Variants in URGCP observed in about 807,000 individuals in gnomAD.
URGCP encodes upregulator of cell proliferation, also known as up-regulator of cell proliferation.
URGCP carries 13 observed loss-of-function variants against 24.6 expected under a neutral mutation model. That is an observed-to-expected ratio of 0.53 (90% confidence interval 0.34 to 0.84). URGCP has a LOEUF of 0.84. Ranked by LOEUF, URGCP falls within the 40% of genes least tolerant of loss-of-function variation. The pLI, the probability that URGCP is intolerant of heterozygous loss-of-function variation, is 0.01. For missense variants in URGCP, 899 were observed against 1,194.3 expected (o/e 0.75, Z 3.64); for synonymous variants, 444 against 487.2 (o/e 0.91, Z 1.17).
In URGCP at chr7:43,878,602, G is replaced by A; in HGVS notation, c.861C>T (p.His287=). 5.6e-6 allele frequency: 9 copies of A among 1,614,046 alleles called. No homozygotes were observed. The highest frequency in any genetic ancestry group is 7.6e-6 in the Non-Finnish European group (9 of 1,180,056). Residue 287 remains histidine, a synonymous_variant, in exon 6 of 6, where the codon CAC becomes CAT. Coordinates refer to ENST00000453200, the MANE Select transcript of URGCP (RefSeq NM_001077663.3). This position sits in a 1 kb window ranked among gnomAD's most constrained non-coding sequence, Gnocchi z 5.6. ...QLLNAVLSPG[H]RQWDCFWHRD... is the part of the protein sequence containing the mutation. ...GATGCCAGAAGCAGTCCCACTGCCT[G>A]TGGCCCGGGCTGAGGACGGCGTTGA...
At chr7:43,899,885 A>C (rs1398888706) in intron 1 of URGCP, among the ~76,000 whole-genome samples, 1 of 152,244 alleles carries the variant, frequency 6.6e-6, no homozygotes, top group East Asian at 1.9e-4. Context: ...CTATAATCTC[A>C]GCACTTTGGG....
At chr7:43,921,982 T>A (rs962509995) in intron 1 of URGCP, among the ~76,000 whole-genome samples, 2 of 152,090 alleles carry the variant, frequency 1.3e-5, no homozygotes, top group African/African-American at 2.4e-5. Context: ...AACCTCTACC[T>A]CCCAGGTTCA....
chr7:43,926,651 C>T (rs1426414186), upstream of URGCP: 6 of 1,350,468 alleles, frequency 4.4e-6, no homozygotes, highest in African/African-American at 3.0e-5. Flanking sequence ...GACGGAGGCT[C>T]CGCGAGTCGC....
At chr7:43,899,610 C>T (rs1410686406) in intron 1 of URGCP, among the ~76,000 whole-genome samples, 4 of 151,996 alleles carry the variant, frequency 2.6e-5, no homozygotes, top group Non-Finnish European at 5.9e-5. Flanking sequence ...TTTAAGGTTG[C>T]TCATGAATAT....
chr7:43,918,819 A>G, intron 1 of URGCP: 6 of 1,233,432 alleles, frequency 4.9e-6, no homozygotes, highest in Non-Finnish European at 7.2e-6. Context: ...GGAGTTCGCT[A>G]CTGAGGGCAC....
chr7:43,912,544 G>A (rs1408651824), intron 1 of URGCP, among the ~76,000 whole-genome samples: 1 of 152,034 alleles, frequency 6.6e-6, no homozygotes, highest in African/African-American at 2.4e-5. Context: ...AAACTGTTTT[G>A]GCTGTTCAGG....
chr7:43,893,697 C>G (rs1032896730), intron 1 of URGCP, among the ~76,000 whole-genome samples: 9 of 152,178 alleles, frequency 5.9e-5, no homozygotes, highest in Admixed American at 2.6e-4. Flanking sequence ...ATGGTGAAAC[C>G]CCATCTCTAC....
At position 43,884,699 on chromosome 7, in the gene URGCP, T is replaced by A. The variant is rs2528396; in HGVS notation, c.112+2716A>T. On this transcript the variant is annotated intron_variant, in intron 3 of 5. Coordinates refer to ENST00000453200, the MANE Select transcript of URGCP (RefSeq NM_001077663.3). ...TTTTTAAAAAATTAGTCGGGTGCAGTGGCTCACACCTGTAGTCCTAGCTAC... is the reference window on the plus strand; with the variant it reads ...TTTTTAAAAAATTAGTCGGGTGCAGAGGCTCACACCTGTAGTCCTAGCTAC... Among the ~76,000 whole-genome samples the A allele has an allele frequency of 1.4e-3, 210 of 152,090 alleles. 1 individual carries two copies. Among genetic ancestry groups the A allele is most frequent in the African/African-American group, 4.9e-3 (203 of 41,484 alleles).
intron 1 of URGCP, among the ~76,000 whole-genome samples, chr7:43,901,325 G>T (rs2095890262): frequency 6.6e-6 from 1 of 152,212 alleles, no homozygotes; most frequent in African/African-American, 2.4e-5. Context: ...TGCATCCCAT[G>T]AAGTCCTGGT....
At chr7:43,914,009 G>GT (rs1468005607) in intron 1 of URGCP, among the ~76,000 whole-genome samples, 8 of 150,968 alleles carry the variant, frequency 5.3e-5, no homozygotes, top group Non-Finnish European at 1.0e-4. Flanking sequence ...TATTTTATTT[G>GT]TTTTTTTATA....
At chr7:43,920,254 A>C (rs1181000331) in intron 1 of URGCP, among the ~76,000 whole-genome samples, 1 of 152,190 alleles carries the variant, frequency 6.6e-6, no homozygotes, top group African/African-American at 2.4e-5. Context: ...GATATAAATA[A>C]ATTTTTTTTA....
chr7:43,907,340 TA>T (rs1224316733), upstream of URGCP, among the ~76,000 whole-genome samples: 1 of 152,104 alleles, frequency 6.6e-6, no homozygotes, highest in Non-Finnish European at 1.5e-5. Context: ...AGTATTATAT[TA>T]AATATCACTG....
chr7:43,920,258 T>C (rs2095920670), intron 1 of URGCP, among the ~76,000 whole-genome samples: 1 of 152,218 alleles, frequency 6.6e-6, no homozygotes. Context: ...TAAATAAATT[T>C]TTTTTAAAAA....
In URGCP at chr7:43,876,787, G is replaced by A. The variant is rs1436041720; in HGVS notation, c.2676C>T (p.Ser892=). ...WHGAPPMAAV[S]LAYSEAIFEL... ...CAAATATGGCTTCACTGTAGGCCAA[G>A]CTCACTGCGGCCATGGGAGGTGCTC... Residue 892 remains serine, a synonymous_variant, in exon 6 of 6, where the codon AGC becomes AGT. Transcript: ENST00000453200. 10 of 1,614,228 alleles carry A rather than the reference G, an allele frequency of 6.2e-6. No individual in the cohort carries two copies. The highest frequency in any genetic ancestry group is 5.0e-5 in the Admixed American group (3 of 60,024).
intron 1 of URGCP, chr7:43,918,990 A>G: frequency 1.6e-6 from 2 of 1,267,694 alleles, no homozygotes; most frequent in Non-Finnish European, 2.3e-6. Context: ...GCATGGGGGA[A>G]GAGCTGGCAA....
intron 1 of URGCP, among the ~76,000 whole-genome samples, chr7:43,899,718 C>A (rs567205058): frequency 6.6e-6 from 1 of 152,216 alleles, no homozygotes; most frequent in South Asian, 2.1e-4. Flanking sequence ...GGAACTTATT[C>A]AATCACAAAA....
chr7:43,920,694 T>C (rs2095921288), intron 1 of URGCP, among the ~76,000 whole-genome samples: 1 of 152,228 alleles, frequency 6.6e-6, no homozygotes, highest in Non-Finnish European at 1.5e-5. Context: ...CTACCCTTAA[T>C]GCATGCACGA....
intron 1 of URGCP, among the ~76,000 whole-genome samples, chr7:43,904,893 GTATT>G (rs1562586131): frequency 6.6e-6 from 1 of 152,176 alleles, no homozygotes; most frequent in Non-Finnish European, 1.5e-5. Context: ...ACAATGATAA[GTATT>G]TGTGCATGGG....
At chr7:43,887,654 T>A (rs1301924852) in intron 2 of URGCP, 136 bp downstream of exon 2, 9 of 1,483,066 alleles carry the variant, frequency 6.1e-6, no homozygotes, top group Non-Finnish European at 8.0e-6. Context: ...TGGGTATCAC[T>A]GCTTTTAAAA....
Sources: gnomAD v4.1 joint callset for allele counts (sites outside exome capture counted in the v4.1 genomes callset) on GRCh38, gnomAD v4.1.1 for gene constraint, Gnocchi (gnomAD v3.1) non-coding constraint, MANE v1.5 for transcripts, NCBI Gene and HGNC (gene_info 2026-07-23, HGNC 2026-07-21) for gene names.